LRRC4C: variants seen among roughly 807,000 people sequenced by gnomAD.
The protein encoded by LRRC4C is leucine rich repeat containing 4C.
LRRC4C carries 5 observed loss-of-function variants against 33.6 expected under a neutral mutation model. The observed-to-expected ratio is 0.15, with a 90% CI of 0.08 to 0.31. The LOEUF is 0.31. Among genes scored for constraint, LRRC4C ranks in the 10% least tolerant of loss-of-function variants. The probability of loss-of-function intolerance (pLI) is 1.00; values close to 1 mark genes in which losing one functional copy is unlikely to be tolerated. For synonymous variants in LRRC4C, 329 were observed against 302.0 expected, an observed-to-expected ratio of 1.09 and a Z score of -0.93; for missense variants, 560 against 796.7, an observed-to-expected ratio of 0.70 and a Z score of 3.58.
intron 3 of LRRC4C, among the ~76,000 whole-genome samples, chr11:40,334,771 A>G (rs962639374): frequency 6.6e-6 from 1 of 152,162 alleles, no homozygotes; most frequent in South Asian, 2.1e-4. Flanking sequence ...TCAAATTTTT[A>G]CTTTATTTCT....
At chr11:40,518,842 C>A (rs1188639055) in intron 3 of LRRC4C, among the ~76,000 whole-genome samples, 2 of 152,186 alleles carry the variant, frequency 1.3e-5, no homozygotes, top group East Asian at 1.9e-4. Context: ...TTGGAGCCAA[C>A]CCAAATGTCC....
intron 2 of LRRC4C, among the ~76,000 whole-genome samples, chr11:40,838,604 T>C (rs1392041204): frequency 1.1e-5 from 1 of 92,622 alleles, no homozygotes; most frequent in African/African-American, 3.2e-5. Context: ...TTATATATGA[T>C]GAAAATACAC....
chr11:40,378,732 AC>A (rs1225303378), intron 3 of LRRC4C, among the ~76,000 whole-genome samples: 2 of 152,120 alleles, frequency 1.3e-5, no homozygotes, highest in Non-Finnish European at 2.9e-5. Context: ...GACTCTGATC[AC>A]ATTTCTTTAT....
chr11:40,805,016 A>T (rs1032388047), intron 2 of LRRC4C, among the ~76,000 whole-genome samples: 5 of 152,148 alleles, frequency 3.3e-5, no homozygotes, highest in Non-Finnish European at 7.4e-5. Flanking sequence ...TTCTATAATG[A>T]TAATATTTTA....
At chr11:41,065,768 G>T (rs189463221) in intron 1 of LRRC4C, among the ~76,000 whole-genome samples, 1 of 152,140 alleles carries the variant, frequency 6.6e-6, no homozygotes, top group African/African-American at 2.4e-5. Flanking sequence ...ATACCCAGGC[G>T]AACAGGGTCT....
chr11:41,449,106 C>G (rs1365603208), intron 1 of LRRC4C, among the ~76,000 whole-genome samples: 5 of 152,136 alleles, frequency 3.3e-5, no homozygotes, highest in Non-Finnish European at 7.4e-5. Context: ...GCCAATATTG[C>G]AAGGCTGGAG....
intron 1 of LRRC4C, among the ~76,000 whole-genome samples, chr11:41,447,122 A>C (rs1337845911): frequency 1.3e-5 from 2 of 152,194 alleles, no homozygotes; most frequent in Non-Finnish European, 2.9e-5. Flanking sequence ...TATGTCTGGT[A>C]GAGTATAAGC....
At chr11:40,954,733 T>C (rs1389609690) in intron 1 of LRRC4C, among the ~76,000 whole-genome samples, 1 of 151,852 alleles carries the variant, frequency 6.6e-6, no homozygotes, top group Non-Finnish European at 1.5e-5. Flanking sequence ...GGCAGGTTAG[T>C]AGTTCTGGGT....
chr11:40,495,852 G>C (rs1410473815), intron 3 of LRRC4C, among the ~76,000 whole-genome samples: 1 of 37,286 alleles, frequency 2.7e-5, no homozygotes, highest in Non-Finnish European at 5.4e-5. Flanking sequence ...TTTTTTTTGA[G>C]AGAGTCTCGC....
chr11:40,394,899 T>C (rs563157183), intron 3 of LRRC4C, among the ~76,000 whole-genome samples: 9 of 152,166 alleles, frequency 5.9e-5, no homozygotes, highest in Non-Finnish European at 1.2e-4. Flanking sequence ...CTTTGTAATA[T>C]ATTTCCTATC....
intron 5 of LRRC4C, among the ~76,000 whole-genome samples, chr11:40,187,535 G>A (rs1010532998): frequency 6.6e-5 from 10 of 151,828 alleles, no homozygotes; most frequent in Non-Finnish European, 1.3e-4. Flanking sequence ...TCTTGAAAAG[G>A]AGCAGCCCAG....
In LRRC4C at chr11:41,308,229, A is replaced by T. The variant is rs140548169; in HGVS notation, c.-496+151202T>A. 9.9e-5 allele frequency among the ~76,000 whole-genome samples: 15 copies of T among 152,236 alleles called. No homozygotes were observed. The East Asian group carries it at 2.5e-3, about 25-fold the overall frequency. Reference sequence around the variant, plus strand: ...ACAGATGTTACTTCCAAAGGTTAAAACTCTGAGGGATTGCTTTTTTTCACT... The same window carrying T: ...ACAGATGTTACTTCCAAAGGTTAAATCTCTGAGGGATTGCTTTTTTTCACT... On this transcript the variant is annotated intron_variant, in intron 1 of 6. Transcript: ENST00000528697.
intron 1 of LRRC4C, among the ~76,000 whole-genome samples, chr11:41,007,781 A>G (rs1473366946): frequency 6.6e-6 from 1 of 152,140 alleles, no homozygotes; most frequent in Non-Finnish European, 1.5e-5. Flanking sequence ...GATTACTCTG[A>G]AATTTAGACA....
chr11:41,266,983 A>G (rs1325145198), intron 1 of LRRC4C, among the ~76,000 whole-genome samples: 1 of 152,172 alleles, frequency 6.6e-6, no homozygotes, highest in Non-Finnish European at 1.5e-5. Context: ...GGCAATATAC[A>G]AAACTGTCCA....
chr11:40,212,098 C>T (rs967805637), intron 5 of LRRC4C, among the ~76,000 whole-genome samples: 2 of 152,096 alleles, frequency 1.3e-5, no homozygotes, highest in Non-Finnish European at 2.9e-5. Context: ...TTAAATTATT[C>T]TAAGAGTCAT....
At chr11:41,116,914 C>T (rs944892078) in intron 1 of LRRC4C, among the ~76,000 whole-genome samples, 1 of 152,182 alleles carries the variant, frequency 6.6e-6, no homozygotes, top group Non-Finnish European at 1.5e-5. Flanking sequence ...ACCCTCACCA[C>T]CTCACCATAG....
chr11:40,299,018 CAGG>C (rs1944646996), intron 4 of LRRC4C, among the ~76,000 whole-genome samples: 1 of 152,100 alleles, frequency 6.6e-6, no homozygotes, highest in Non-Finnish European at 1.5e-5. Flanking sequence ...CAGACCATAT[CAGG>C]AGGTTACTGC....
At chr11:41,381,474 AAAAT>A (rs1953147812) in intron 1 of LRRC4C, among the ~76,000 whole-genome samples, 1 of 152,028 alleles carries the variant, frequency 6.6e-6, no homozygotes, top group African/African-American at 2.4e-5. Flanking sequence ...AAAAATACAA[AAAAT>A]AAGCTGGGCA....
At chr11:41,288,907 A>G (rs1019648333) in intron 1 of LRRC4C, among the ~76,000 whole-genome samples, 1 of 115,036 alleles carries the variant, frequency 8.7e-6, no homozygotes, top group African/African-American at 3.0e-5. Flanking sequence ...TAGGGAGGGT[A>G]TGAATGAACC....
Sources: gnomAD v4.1 joint callset for allele counts (sites outside exome capture counted in the v4.1 genomes callset) on GRCh38, gnomAD v4.1.1 for gene constraint, MANE v1.5 for transcripts, NCBI Gene and HGNC (gene_info 2026-07-23, HGNC 2026-07-21) for gene names.